Variants in ARHGAP44 observed in about 807,000 individuals in gnomAD.
ARHGAP44 encodes the protein rho GTPase-activating protein 44.
In ARHGAP44, 43 loss-of-function variants were observed where a neutral mutation model predicts 106.8. The observed-to-expected ratio is 0.40, with a 90% CI of 0.32 to 0.52. The LOEUF is 0.52. Among genes scored for constraint, ARHGAP44 ranks in the 20% least tolerant of loss-of-function variants. The pLI is 0.48. For missense variants in ARHGAP44, 866 were observed against 1,050.5 expected (o/e 0.82, Z 2.43); for synonymous variants, 439 against 410.3 (o/e 1.07, Z -0.85).
Position 12,958,193 on chromosome 17 carries a change from A to G in ARHGAP44, c.1343-524A>G, listed in dbSNP as rs1226779478. 6.6e-6 allele frequency among the ~76,000 whole-genome samples: 1 copy of G among 152,242 alleles called. No homozygotes were observed. Among genetic ancestry groups the G allele is most frequent in the Non-Finnish European group, 1.5e-5 (1 of 68,052 alleles). On this transcript the variant is annotated intron_variant, in intron 15 of 20. Coordinates refer to ENST00000379672, the MANE Select transcript of ARHGAP44 (RefSeq NM_014859.6). This position sits in a 1 kb window ranked among gnomAD's most constrained non-coding sequence, Gnocchi z 4.1. Reference sequence around the variant, plus strand: ...TCTGTATATCTCTTTGACAGCCAAAAAACAACTTTAATGAAATCTATATTT... The same window carrying G: ...TCTGTATATCTCTTTGACAGCCAAAGAACAACTTTAATGAAATCTATATTT...
At chr17:12,881,062 C>A (rs567354326) in intron 1 of ARHGAP44, among the ~76,000 whole-genome samples, 2 of 151,496 alleles carry the variant, frequency 1.3e-5, no homozygotes, top group East Asian at 3.9e-4. Flanking sequence ...ATCTTTAGCT[C>A]ATTTTTTTTA....
chr17:12,913,778 G>A (rs911479475), intron 4 of ARHGAP44, among the ~76,000 whole-genome samples: 1 of 135,678 alleles, frequency 7.4e-6, no homozygotes, highest in Non-Finnish European at 1.7e-5. Flanking sequence ...GACTAGCCTG[G>A]CCAACATGGT....
At chr17:12,900,624 C>A (rs912599975) in intron 3 of ARHGAP44, among the ~76,000 whole-genome samples, 1 of 152,160 alleles carries the variant, frequency 6.6e-6, no homozygotes, top group Non-Finnish European at 1.5e-5. Flanking sequence ...ACAAGTCTGC[C>A]ACGCAAGGCG....
At chr17:12,840,740 C>G (rs941219829) in intron 1 of ARHGAP44, among the ~76,000 whole-genome samples, 3 of 152,128 alleles carry the variant, frequency 2.0e-5, no homozygotes, top group South Asian at 2.1e-4. Context: ...ATGTAAAGAG[C>G]GGAGATTCAT....
At position 12,974,299 on chromosome 17, in the gene ARHGAP44, C is replaced by A; in HGVS notation, c.1752C>A (p.Pro584=). ...CCGGCCTGGGCCTCCAGCCTGGGCC[C>A]GAGCGCACCAGGTAAGCGCGGGCCA... ...SPSGLGLQPG[P]ERTSTTKSKE... The change falls in exon 18 of 21, where the codon CCC becomes CCA. Residue 584 remains proline, a synonymous_variant. Coordinates refer to ENST00000379672, the MANE Select transcript of ARHGAP44 (RefSeq NM_014859.6). 7.0e-7 allele frequency: 1 copy of A among 1,434,800 alleles called. No individual in the cohort carries two copies. 88.9% of individuals were successfully genotyped at this position (1,434,800 alleles called of 1,614,324 possible).
chr17:12,973,983 T>G, intron 17 of ARHGAP44, 106 bp from the exon 18 acceptor site: 1 of 1,215,858 alleles, frequency 8.2e-7, no homozygotes, highest in Non-Finnish European at 1.2e-6. Context: ...GTGCTAAAGC[T>G]GCGCTGCTCT....
chr17:12,884,170 C>T (rs2036817498), intron 1 of ARHGAP44, among the ~76,000 whole-genome samples: 1 of 152,062 alleles, frequency 6.6e-6, no homozygotes, highest in African/African-American at 2.4e-5. Flanking sequence ...TTATTATTAG[C>T]ACAGAGCTAG....
At chr17:12,793,139 C>G (rs1658340729) in intron 1 of ARHGAP44, among the ~76,000 whole-genome samples, 1 of 152,164 alleles carries the variant, frequency 6.6e-6, no homozygotes, top group Non-Finnish European at 1.5e-5. Flanking sequence ...AATTTTCTTA[C>G]TTGCAAAATG....
At chr17:12,944,414 G>C (rs2038793824) in intron 10 of ARHGAP44, among the ~76,000 whole-genome samples, 2 of 152,078 alleles carry the variant, frequency 1.3e-5, no homozygotes, top group Admixed American at 6.6e-5. Context: ...TGATGGCCAT[G>C]AGGAACGGAT....
chr17:12,869,456 C>T (rs2036340557), intron 1 of ARHGAP44, among the ~76,000 whole-genome samples: 2 of 151,480 alleles, frequency 1.3e-5, no homozygotes, highest in Admixed American at 1.3e-4. Flanking sequence ...ATTTTTACAA[C>T]TGGAAAAATA....
At chr17:12,945,067 G>C (rs2038817062) in intron 10 of ARHGAP44, among the ~76,000 whole-genome samples, 1 of 151,730 alleles carries the variant, frequency 6.6e-6, no homozygotes, top group African/African-American at 2.4e-5. Context: ...CTGGAGTGCA[G>C]TTGCAGGATC....
At chr17:12,941,313 A>G (rs1263040922) in intron 8 of ARHGAP44, among the ~76,000 whole-genome samples, 189 bp downstream of exon 8, 7 of 151,918 alleles carry the variant, frequency 4.6e-5, no homozygotes, top group Admixed American at 1.3e-4. Flanking sequence ...ATAAAACTCA[A>G]TCCCATCCCT....
intron 16 of ARHGAP44, chr17:12,959,177 T>A: frequency 2.5e-6 from 1 of 403,218 alleles, no homozygotes; most frequent in Non-Finnish European, 4.6e-6. Flanking sequence ...CTGAGTGCAA[T>A]TAAAAAAAAT....
At chr17:12,846,144 C>T (rs998012363) in intron 1 of ARHGAP44, among the ~76,000 whole-genome samples, 1 of 151,208 alleles carries the variant, frequency 6.6e-6, no homozygotes, top group Non-Finnish European at 1.5e-5. Context: ...TAAGTATATT[C>T]GAGGGCTTCA....
intron 1 of ARHGAP44, among the ~76,000 whole-genome samples, chr17:12,829,216 T>C (rs2035017244): frequency 6.6e-6 from 1 of 152,122 alleles, no homozygotes. Context: ...TATCACCCTC[T>C]TACCTAATTG....
intron 1 of ARHGAP44, among the ~76,000 whole-genome samples, chr17:12,822,141 G>A (rs1667579364): frequency 1.3e-5 from 2 of 152,138 alleles, no homozygotes; most frequent in Non-Finnish European, 1.5e-5. Flanking sequence ...ACAGGGCCAG[G>A]CAGTAAATAT....
intron 16 of ARHGAP44, among the ~76,000 whole-genome samples, chr17:12,972,268 T>C (rs910500655): frequency 6.6e-6 from 1 of 152,196 alleles, no homozygotes; most frequent in Non-Finnish European, 1.5e-5. Flanking sequence ...AATGAGTCAA[T>C]GAAACCTTGG....
intron 5 of ARHGAP44, among the ~76,000 whole-genome samples, chr17:12,918,024 C>A (rs985893469): frequency 1.3e-5 from 2 of 152,126 alleles, no homozygotes; most frequent in African/African-American, 4.8e-5. Context: ...GGATGAAGTT[C>A]TTTGGGATTG....
intron 7 of ARHGAP44, among the ~76,000 whole-genome samples, chr17:12,933,576 C>T (rs953403035): frequency 1.3e-5 from 2 of 152,120 alleles, no homozygotes; most frequent in Non-Finnish European, 2.9e-5. Flanking sequence ...CCAAGGCTTT[C>T]TATAAAAGAC....
Sources: allele counts gnomAD v4.1 joint callset (sites outside exome capture counted in the v4.1 genomes callset), GRCh38; gene constraint gnomAD v4.1.1; non-coding constraint Gnocchi (gnomAD v3.1); transcripts MANE v1.5; gene names NCBI Gene and HGNC (gene_info 2026-07-23, HGNC 2026-07-21).